Variants in VPS41 observed in about 807,000 individuals in gnomAD.
VPS41 encodes vacuolar protein sorting-associated protein 41 homolog.
A neutral mutation model predicts 130.9 loss-of-function variants in VPS41; 85 were observed. That is an observed-to-expected ratio of 0.65 (90% CI 0.55 to 0.78). The LOEUF (loss-of-function observed/expected upper bound fraction) is 0.78, where lower values mean the gene tolerates loss of function less well. Ranked by LOEUF, VPS41 falls within the 30% of genes least tolerant of loss-of-function variation. The probability of loss-of-function intolerance (pLI) is 0.00; values close to 1 mark genes in which losing one functional copy is unlikely to be tolerated. For missense variants in VPS41, 874 were observed against 1,018.7 expected (o/e 0.86, Z 1.93); for synonymous variants, 335 against 332.9 (o/e 1.01, Z -0.07).
intron 4 of VPS41, among the ~76,000 whole-genome samples, chr7:38,847,159 T>A (rs1785744354): frequency 6.6e-6 from 1 of 152,216 alleles, no homozygotes; most frequent in African/African-American, 2.4e-5. Context: ...CAGAACTCTG[T>A]GGAGAAGGGA....
chr7:38,759,644 G>C (rs1783873209), intron 17 of VPS41, among the ~76,000 whole-genome samples: 1 of 152,162 alleles, frequency 6.6e-6, no homozygotes, highest in Non-Finnish European at 1.5e-5. Flanking sequence ...GTACAACTAA[G>C]AAAGCTATCT....
rs572044682 is a variant in VPS41 at position 38,843,848 on chromosome 7, C to T, written c.247-13520G>A. 4.6e-5 allele frequency among the ~76,000 whole-genome samples: 7 copies of T among 152,158 alleles called. No individual in the cohort carries two copies. The South Asian group carries it at 1.5e-3, about 32-fold the overall frequency. On this transcript the variant is annotated intron_variant, in intron 4 of 28. Transcript: ENST00000310301. ...AATAATTAGGAAATTCAAAAGGCAGCGATTTATAAGCAGAAGGGGTAAGTG... is the reference window on the plus strand; with the variant it reads ...AATAATTAGGAAATTCAAAAGGCAGTGATTTATAAGCAGAAGGGGTAAGTG...
chr7:38,868,871 C>G (rs899711065), intron 3 of VPS41, among the ~76,000 whole-genome samples: 4 of 152,184 alleles, frequency 2.6e-5, no homozygotes, highest in Non-Finnish European at 5.9e-5. Flanking sequence ...AAGTGAGCGA[C>G]AGAGTTGCCA....
At chr7:38,844,724 A>G (rs1213164648) in intron 4 of VPS41, among the ~76,000 whole-genome samples, 6 of 151,928 alleles carry the variant, frequency 3.9e-5, no homozygotes, top group Non-Finnish European at 7.4e-5. Flanking sequence ...TTTTTTCCTT[A>G]ACTTTTCCTC....
At chr7:38,809,019 T>C (rs1003193248) in intron 7 of VPS41, among the ~76,000 whole-genome samples, 4 of 152,220 alleles carry the variant, frequency 2.6e-5, no homozygotes, top group Non-Finnish European at 5.9e-5. Flanking sequence ...TATTTAATAA[T>C]GCCATATTAA....
chr7:38,785,885 A>T (rs1172290127), intron 10 of VPS41, among the ~76,000 whole-genome samples: 3 of 152,368 alleles, frequency 2.0e-5, no homozygotes, highest in African/African-American at 7.2e-5. Flanking sequence ...AATGAAGAAA[A>T]GCTCTCAATC....
intron 4 of VPS41, among the ~76,000 whole-genome samples, chr7:38,857,672 A>G (rs1786015325): frequency 6.6e-6 from 1 of 152,178 alleles, no homozygotes. Context: ...ACATATACCC[A>G]CTGTTGACTA....
chr7:38,725,602 C>T lies in VPS41; in HGVS notation c.*644G>A, dbSNP rs1457153901. Reference sequence around the variant, plus strand: ...TCAATCAACAAATGCTGAGTGTCCGCCATGGCCAGATACTCTTTGACAGTC... The same window carrying T: ...TCAATCAACAAATGCTGAGTGTCCGTCATGGCCAGATACTCTTTGACAGTC... On this transcript the variant is annotated 3_prime_UTR_variant, in exon 29 of 29. Coordinates refer to ENST00000310301, the MANE Select transcript of VPS41 (RefSeq NM_014396.4). 6.6e-6 allele frequency: 1 copy of T among 152,212 alleles called. No homozygotes were observed. The highest frequency in any genetic ancestry group is 1.5e-5 in the Non-Finnish European group (1 of 68,060). The allele number at this position is 152,212 out of a possible 1,614,324, so 9.4% of individuals were successfully genotyped here. A position where few individuals can be genotyped will look rare whatever the true frequency, so the allele number is the denominator to read the frequency against.
chr7:38,824,704 G>A (rs936869426), intron 5 of VPS41, among the ~76,000 whole-genome samples: 1 of 152,148 alleles, frequency 6.6e-6, no homozygotes, highest in Non-Finnish European at 1.5e-5. Context: ...AAAAGAACAT[G>A]AATATCAGAC....
intron 9 of VPS41, among the ~76,000 whole-genome samples, 192 bp from the exon 10 acceptor site, chr7:38,790,059 A>G (rs748312139): frequency 6.6e-6 from 1 of 152,234 alleles, no homozygotes; most frequent in East Asian, 1.9e-4. Context: ...CACCAACTTT[A>G]TTCCTCAATA....
chr7:38,754,743 C>T lies in VPS41; in HGVS notation c.1747G>A (p.Val583Ile). ...GGTCTGTCTTCCAATTCTTCCACTA[C>T]CTTTTTAATCTAGATAAAAAAGAAA... ...DNEDKISIKK[V>I]VEELEDRPEL... The change falls in exon 21 of 29, where the codon GTA becomes ATA. Residue 583 changes from valine to isoleucine, a missense_variant. Transcript: ENST00000310301. 3 of 1,613,198 alleles carry T rather than the reference C, an allele frequency of 1.9e-6. No individual in the cohort carries two copies. Among genetic ancestry groups the T allele is most frequent in the Non-Finnish European group, 2.5e-6 (3 of 1,179,472 alleles).
intron 15 of VPS41, among the ~76,000 whole-genome samples, chr7:38,766,414 C>T (rs186265628): frequency 4.6e-5 from 7 of 152,282 alleles, no homozygotes; most frequent in Admixed American, 4.6e-4. Flanking sequence ...GAATCATAAG[C>T]AGAGGCACTT....
At chr7:38,744,647 T>A (rs1421393671) in intron 23 of VPS41, among the ~76,000 whole-genome samples, 1 of 152,214 alleles carries the variant, frequency 6.6e-6, no homozygotes, top group East Asian at 1.9e-4. Context: ...TTGGAATTAG[T>A]GAATTGATGA....
chr7:38,827,856 G>A lies in VPS41; in HGVS notation c.321+2398C>T, dbSNP rs116392310. ...AATACTTCAGTGTATGGATCAAAAG[G>A]ACTGACGGTACTCCAGAAAAAATTA... On this transcript the variant is annotated intron_variant, in intron 5 of 28. Transcript: ENST00000310301. Among the ~76,000 whole-genome samples, 4 of 152,152 alleles carry A rather than the reference G, an allele frequency of 2.6e-5. No homozygotes were observed. In the South Asian group the frequency reaches 6.2e-4, roughly 24 times the overall value.
chr7:38,866,095 G>A (rs1786223077), intron 3 of VPS41, among the ~76,000 whole-genome samples: 1 of 152,170 alleles, frequency 6.6e-6, no homozygotes, highest in East Asian at 1.9e-4. Flanking sequence ...CTCCAGATGT[G>A]TGTGGATCAA....
intron 4 of VPS41, among the ~76,000 whole-genome samples, chr7:38,838,239 CA>C (rs1000676180): frequency 1.4e-4 from 20 of 146,368 alleles, no homozygotes; most frequent in African/African-American, 3.8e-4. Context: ...AAAAAACAAA[CA>C]AAAAAAAAAT....
At chr7:38,835,704 A>G (rs144671471) in intron 4 of VPS41, among the ~76,000 whole-genome samples, 1 of 151,740 alleles carries the variant, frequency 6.6e-6, no homozygotes, top group Non-Finnish European at 1.5e-5. Context: ...TAATTTCTCT[A>G]TATATTTACT....
At chr7:38,826,285 G>A (rs145845417) in intron 5 of VPS41, among the ~76,000 whole-genome samples, 1 of 152,316 alleles carries the variant, frequency 6.6e-6, no homozygotes, top group East Asian at 1.9e-4. Context: ...GCTAACCCAG[G>A]TTGAGGAAGA....
intron 10 of VPS41, among the ~76,000 whole-genome samples, chr7:38,780,637 C>G (rs1784339055): frequency 6.6e-6 from 1 of 152,148 alleles, no homozygotes; most frequent in South Asian, 2.1e-4. Context: ...CCTTGATTAG[C>G]TGCCCCATGG....
Sources: allele counts gnomAD v4.1 joint callset (sites outside exome capture counted in the v4.1 genomes callset), GRCh38; gene constraint gnomAD v4.1.1; transcripts MANE v1.5; gene names NCBI Gene and HGNC (gene_info 2026-07-23, HGNC 2026-07-21).